TNNI3K: variants seen among roughly 807,000 people sequenced by gnomAD.
The protein encoded by TNNI3K is serine/threonine-protein kinase TNNI3K.
A neutral mutation model predicts 114.5 loss-of-function variants in TNNI3K; 140 were observed. The observed-to-expected ratio is 1.22, with a 90% confidence interval of 1.07 to 1.41. The LOEUF is 1.41. Ranked by LOEUF, TNNI3K falls within the 40% of genes most tolerant of loss-of-function variation. TNNI3K has a pLI of 0.00. For missense variants in TNNI3K, 1,125 were observed against 1,007.6 expected (o/e 1.12, Z -1.58); for synonymous variants, 347 against 347.5 (o/e 1.00, Z 0.02).
At chr1:74,533,295 A>G (rs1331962933) in intron 23 of TNNI3K, among the ~76,000 whole-genome samples, 1 of 152,242 alleles carries the variant, frequency 6.6e-6, no homozygotes, top group African/African-American at 2.4e-5. Flanking sequence ...TATGCAGCCA[A>G]AAAACACATG....
chr1:74,367,841 AT>A lies in TNNI3K; in HGVS notation c.1265-66del, dbSNP rs141162854. 1.0e-3 allele frequency: 1,477 copies of A among 1,434,048 alleles called. 19 individuals carry two copies. The African/African-American group carries it at 0.02, about 20-fold the overall frequency. The allele number at this position is 1,434,048 out of a possible 1,614,324, so 88.8% of individuals were successfully genotyped here. On this transcript the variant is annotated intron_variant, in intron 12 of 24. Coordinates refer to ENST00000326637, the MANE Select transcript of TNNI3K (RefSeq NM_015978.3). Reference sequence around the variant, plus strand: ...GTTTCGTCACCTGCTTATTTTTATAATGTTGAACTTTTATGTAGAAAAAAAT... The same window carrying A: ...GTTTCGTCACCTGCTTATTTTTATAAGTTGAACTTTTATGTAGAAAAAAAT...
At chr1:74,413,741 A>G (rs1387476852) in intron 17 of TNNI3K, among the ~76,000 whole-genome samples, 1 of 152,152 alleles carries the variant, frequency 6.6e-6, no homozygotes, top group African/African-American at 2.4e-5. Flanking sequence ...GTGTGCATCC[A>G]AATTATTGTG....
chr1:74,481,726 G>C (rs274586), intron 21 of TNNI3K, among the ~76,000 whole-genome samples: 68,029 of 151,974 alleles, frequency 0.45, 17,561 homozygotes, highest in East Asian at 0.67. Flanking sequence ...TCTGTCATTA[G>C]AAATCAAAGC....
chr1:74,350,781 AT>A (rs1422099430), intron 9 of TNNI3K, among the ~76,000 whole-genome samples: 1 of 152,134 alleles, frequency 6.6e-6, no homozygotes, highest in African/African-American at 2.4e-5. Context: ...CAAGAGTAGG[AT>A]TGCAACCCCT....
At position 74,392,668 on chromosome 1, in the gene TNNI3K, C is replaced by T. The variant is rs866434758; in HGVS notation, c.1772+22276C>T. On this transcript the variant is annotated intron_variant, in intron 17 of 24. Transcript: ENST00000326637. ...TGGTTGACTTCCTGTTTTCCACACT[C>T]TTCCCACAACAGGCTTTGCAGTTTT... Among the ~76,000 whole-genome samples the T allele has an allele frequency of 2.0e-5, 3 of 152,328 alleles. No individual in the cohort carries two copies. In the South Asian group the frequency reaches 6.2e-4, roughly 32 times the overall value.
intron 9 of TNNI3K, among the ~76,000 whole-genome samples, chr1:74,351,774 G>C (rs1451265037): frequency 6.6e-6 from 1 of 152,156 alleles, no homozygotes; most frequent in African/African-American, 2.4e-5. Flanking sequence ...ACTGAGGCTT[G>C]TGCATTCGTC....
chr1:74,245,008 C>G (rs1237702173), intron 2 of TNNI3K, among the ~76,000 whole-genome samples: 1 of 152,022 alleles, frequency 6.6e-6, no homozygotes, highest in Non-Finnish European at 1.5e-5. Context: ...ATAATTTAAA[C>G]TTTTCAGAGC....
intron 16 of TNNI3K, chr1:74,369,902 T>C (rs2100521715): frequency 3.7e-6 from 1 of 267,056 alleles, no homozygotes; most frequent in Non-Finnish European, 6.9e-6. Flanking sequence ...CAGAATAAAA[T>C]AAACTTTTAA....
chr1:74,402,391 GA>G, intron 17 of TNNI3K, among the ~76,000 whole-genome samples: 1 of 152,174 alleles, frequency 6.6e-6, no homozygotes, highest in East Asian at 1.9e-4. Flanking sequence ...AAAACCCACT[GA>G]AAAAAATGTG....
intron 9 of TNNI3K, among the ~76,000 whole-genome samples, chr1:74,343,701 G>C (rs1394067788): frequency 6.6e-6 from 1 of 152,130 alleles, no homozygotes; most frequent in East Asian, 1.9e-4. Flanking sequence ...GAAAGCATCA[G>C]CTCTTCTCTA....
rs995843796 is a variant in TNNI3K, at chr1:74,500,065, A to G, written c.2351+7799A>G. On this transcript the variant is annotated intron_variant, in intron 23 of 24. Transcript: ENST00000326637. Reference sequence around the variant, plus strand: ...AAGCTTTAATATATTATTTAAAATAACTAATTATATTTTTAATATGTTTGT... The same window carrying G: ...AAGCTTTAATATATTATTTAAAATAGCTAATTATATTTTTAATATGTTTGT... Among the ~76,000 whole-genome samples the G allele has an allele frequency of 5.3e-5, 8 of 151,904 alleles. No individual in the cohort carries two copies. In the East Asian group the frequency reaches 1.5e-3, roughly 29 times the overall value.
At chr1:74,507,228 C>CCA (rs757447176) in intron 23 of TNNI3K, among the ~76,000 whole-genome samples, 10 of 138,636 alleles carry the variant, frequency 7.2e-5, no homozygotes, top group Non-Finnish European at 3.1e-5. Flanking sequence ...TCTTCACCCC[C>CCA]CCCCCATCTT....
At chr1:74,367,130 C>A in intron 11 of TNNI3K, 126 bp from the exon 12 acceptor site, 3 of 850,770 alleles carry the variant, frequency 3.5e-6, no homozygotes, top group Non-Finnish European at 5.5e-6. Context: ...ATTTCTATTG[C>A]AATACATTAC....
At chr1:74,368,564 C>T (rs973046020) in intron 13 of TNNI3K, among the ~76,000 whole-genome samples, 1 of 151,782 alleles carries the variant, frequency 6.6e-6, no homozygotes, top group Non-Finnish European at 1.5e-5. Flanking sequence ...TTGGCTAAGC[C>T]TATTGGAATA....
chr1:74,303,058 ATG>A (rs1474626815), intron 5 of TNNI3K, among the ~76,000 whole-genome samples: 1 of 152,170 alleles, frequency 6.6e-6, no homozygotes, highest in African/African-American at 2.4e-5. Context: ...CTAGAAGTGA[ATG>A]CTCATTTACT....
intron 11 of TNNI3K, among the ~76,000 whole-genome samples, chr1:74,359,952 C>G (rs1412057803): frequency 1.3e-5 from 2 of 151,846 alleles, no homozygotes; most frequent in African/African-American, 4.8e-5. Flanking sequence ...TATTACCATC[C>G]ACTTTGTCAC....
At chr1:74,359,644 A>G (rs1239558903) in intron 11 of TNNI3K, among the ~76,000 whole-genome samples, 3 of 152,074 alleles carry the variant, frequency 2.0e-5, no homozygotes, top group Admixed American at 2.0e-4. Context: ...ATCCAAAGAC[A>G]TTATTCTAAT....
In TNNI3K at chr1:74,336,082, C is replaced by T. The variant is rs772420665; in HGVS notation, c.615C>T (p.His205=). The T allele has an allele frequency of 2.5e-6, 4 of 1,602,966 alleles. No homozygotes were observed. The highest frequency in any genetic ancestry group is 3.4e-6 in the Non-Finnish European group (4 of 1,176,838). ...VSGEVGDRPL[H]LASAKGFLNI... ...GTGAAGTTGGAGATAGACCCCTCCA[C>T]CTAGCATCTGCAAAAGGATTCTTGA... The change falls in exon 7 of 25, where the codon CAC becomes CAT. Residue 205 remains histidine (H), a synonymous_variant. Transcript: ENST00000326637.
chr1:74,260,126 G>A (rs114586954), intron 4 of TNNI3K, among the ~76,000 whole-genome samples: 2,155 of 152,036 alleles, frequency 0.014, 59 homozygotes, highest in African/African-American at 0.05. Context: ...TATTGAACTC[G>A]CAGACAGAAA....
Sources: gnomAD v4.1 joint callset for allele counts (sites outside exome capture counted in the v4.1 genomes callset) on GRCh38, gnomAD v4.1.1 for gene constraint, MANE v1.5 for transcripts, NCBI Gene and HGNC (gene_info 2026-07-23, HGNC 2026-07-21) for gene names.